DGKB: variants seen among roughly 807,000 people sequenced by gnomAD.
The protein encoded by DGKB is diacylglycerol kinase beta.
A neutral mutation model predicts 114.3 loss-of-function variants in DGKB; 67 were observed. That is an observed-to-expected ratio of 0.59 (90% CI 0.48 to 0.72). The LOEUF is 0.72. Ranked by LOEUF, DGKB falls within the 30% of genes least tolerant of loss-of-function variation. The pLI is 0.00. For synonymous variants in DGKB, 398 were observed against 323.1 expected (o/e 1.23, Z -2.49); for missense variants, 907 against 975.2 (o/e 0.93, Z 0.93).
intron 1 of DGKB, among the ~76,000 whole-genome samples, chr7:14,969,237 C>T (rs897897012): frequency 6.6e-5 from 10 of 152,112 alleles, no homozygotes; most frequent in African/African-American, 2.4e-5. Flanking sequence ...AATACTGATG[C>T]TAATCCCTGT....
chr7:14,365,760 ATTTTCATTTG>A (rs938942302), intron 21 of DGKB, among the ~76,000 whole-genome samples: 6 of 151,972 alleles, frequency 3.9e-5, no homozygotes, highest in Non-Finnish European at 8.8e-5. Flanking sequence ...TAAGCCTTTT[ATTTTCATTTG>A]TTTTCTGTAA....
upstream of DGKB, among the ~76,000 whole-genome samples, chr7:14,904,507 T>C (rs1040587314): frequency 6.6e-6 from 1 of 152,128 alleles, no homozygotes; most frequent in African/African-American, 2.4e-5. Context: ...AAGGATTAAA[T>C]AATACATCTT....
At chr7:14,419,110 C>A (rs1257844532) in intron 21 of DGKB, among the ~76,000 whole-genome samples, 2 of 151,548 alleles carry the variant, frequency 1.3e-5, no homozygotes, top group Non-Finnish European at 2.9e-5. Flanking sequence ...GAATGTTTGT[C>A]CTATTAAAAA....
At position 14,643,953 on chromosome 7, in the gene DGKB, A is replaced by G. The variant is rs114947793; in HGVS notation, c.1135-13685T>C. Reference sequence around the variant, plus strand: ...ATTTAGGAGCCAGAGGAGTGGACCAACCAGGGTCTACTGCCACCAACACCC... The same window carrying G: ...ATTTAGGAGCCAGAGGAGTGGACCAGCCAGGGTCTACTGCCACCAACACCC... On this transcript the variant is annotated intron_variant, in intron 13 of 25. Coordinates refer to ENST00000402815, the MANE Select transcript of DGKB (RefSeq NM_001350709.2). 3.6e-3 allele frequency among the ~76,000 whole-genome samples: 554 copies of G among 152,252 alleles called. 4 individuals carry two copies. The highest frequency in any genetic ancestry group is 0.013 in the African/African-American group (529 of 41,534).
intron 2 of DGKB, among the ~76,000 whole-genome samples, chr7:14,799,925 CT>C (rs531530188): frequency 5.3e-4 from 77 of 146,500 alleles, no homozygotes; most frequent in African/African-American, 9.7e-4. Context: ...CTTTTCTTTT[CT>C]TTTTTTTTTT....
intron 1 of DGKB, among the ~76,000 whole-genome samples, chr7:14,935,680 T>C (rs774702626): frequency 2.0e-5 from 3 of 152,072 alleles, no homozygotes; most frequent in Non-Finnish European, 2.9e-5. Flanking sequence ...ACGAATTACA[T>C]TGTGGATACC....
chr7:14,717,014 G>C (rs936695325), intron 6 of DGKB, among the ~76,000 whole-genome samples: 1 of 151,338 alleles, frequency 6.6e-6, no homozygotes, highest in Non-Finnish European at 1.5e-5. Context: ...AAAAAACAGA[G>C]AGAAGGGGGT....
chr7:14,807,362 GAATA>G (rs1252453424), intron 2 of DGKB, among the ~76,000 whole-genome samples: 3 of 151,742 alleles, frequency 2.0e-5, no homozygotes, highest in Non-Finnish European at 4.4e-5. Flanking sequence ...AATAAAGAAT[GAATA>G]AATACACAAA....
At chr7:14,567,003 T>G (rs1412997734) in intron 20 of DGKB, among the ~76,000 whole-genome samples, 1 of 145,122 alleles carries the variant, frequency 6.9e-6, no homozygotes, top group East Asian at 2.0e-4. Flanking sequence ...TGCATTGGTT[T>G]TTTGCTTTTT....
At position 14,146,623 on chromosome 7, in the gene DGKB, A is replaced by AAGTT. The variant is rs1781505879; in HGVS notation, c.*2504_*2507dup. 1 of 152,110 alleles carries AAGTT rather than the reference A, an allele frequency of 6.6e-6. No homozygotes were observed. The highest frequency in any genetic ancestry group is 1.5e-5 in the Non-Finnish European group (1 of 68,002). 9.4% of individuals were successfully genotyped at this position (152,110 alleles called of 1,614,324 possible). On this transcript the variant is annotated 3_prime_UTR_variant, in exon 26 of 26. Transcript: ENST00000402815. ...TATCTTCTCTGATTTCAAACCCATC[A>AAGTT]AGTTACGTTTTTAAAAACTACTTTC... is the stretch of plus-strand genomic sequence containing the variant.
chr7:14,292,684 GT>G lies in DGKB; in HGVS notation c.2122+45830del, dbSNP rs968218279. Reference sequence around the variant, plus strand: ...GGGTGGTCTTACTTATGGATGAATTGTGCTGCTACCCCAAGAAAACCATTTA... The same window carrying G: ...GGGTGGTCTTACTTATGGATGAATTGGCTGCTACCCCAAGAAAACCATTTA... On this transcript the variant is annotated intron_variant, in intron 23 of 25. Coordinates refer to ENST00000402815, the MANE Select transcript of DGKB (RefSeq NM_001350709.2). Among the ~76,000 whole-genome samples, 4 of 152,230 alleles carry G rather than the reference GT, an allele frequency of 2.6e-5. No individual in the cohort carries two copies. The East Asian group carries it at 5.8e-4, about 22-fold the overall frequency.
At chr7:14,299,313 G>A (rs1803102677) in intron 23 of DGKB, among the ~76,000 whole-genome samples, 1 of 152,080 alleles carries the variant, frequency 6.6e-6, no homozygotes, top group African/African-American at 2.4e-5. Flanking sequence ...ACATAAAAAT[G>A]CCTAGATAGA....
intron 2 of DGKB, among the ~76,000 whole-genome samples, chr7:14,777,165 AC>A (rs958743317): frequency 3.7e-4 from 56 of 151,866 alleles, no homozygotes; most frequent in Middle Eastern, 6.8e-3. Flanking sequence ...CAATGCCTGT[AC>A]CCCCGTTGTA....
At chr7:14,584,684 G>A (rs907656412) in intron 17 of DGKB, among the ~76,000 whole-genome samples, 1 of 151,274 alleles carries the variant, frequency 6.6e-6, no homozygotes, top group African/African-American at 2.4e-5. Flanking sequence ...TTGAGATGGA[G>A]TTTCACTTTT....
intron 23 of DGKB, among the ~76,000 whole-genome samples, chr7:14,295,939 G>A (rs1026885690): frequency 6.6e-6 from 1 of 151,782 alleles, no homozygotes; most frequent in African/African-American, 2.4e-5. Flanking sequence ...TCCTACTTAT[G>A]AGTGAGAACA....
At chr7:14,685,423 T>C in intron 9 of DGKB, 61 bp from the exon 10 acceptor site, 1 of 1,259,514 alleles carries the variant, frequency 7.9e-7, no homozygotes, top group Non-Finnish European at 1.2e-6. Context: ...AAGATGTAAG[T>C]GCCAATGAAA....
chr7:14,863,023 A>G (rs1297793593), intron 1 of DGKB, among the ~76,000 whole-genome samples: 1 of 152,070 alleles, frequency 6.6e-6, no homozygotes, highest in African/African-American at 2.4e-5. Flanking sequence ...ACATTTGTAT[A>G]AAAAGTCAGG....
chr7:14,714,122 C>A (rs1827813377), intron 6 of DGKB, among the ~76,000 whole-genome samples: 1 of 150,644 alleles, frequency 6.6e-6, no homozygotes, highest in African/African-American at 2.4e-5. Flanking sequence ...GATGTAGGTG[C>A]AAGGGTACAA....
At chr7:14,672,158 T>C (rs1819071924) in intron 13 of DGKB, among the ~76,000 whole-genome samples, 2 of 152,092 alleles carry the variant, frequency 1.3e-5, no homozygotes, top group Non-Finnish European at 2.9e-5. Context: ...AAAGTATTTT[T>C]CTATCATTTC....
Sources: allele counts gnomAD v4.1 joint callset (sites outside exome capture counted in the v4.1 genomes callset), GRCh38; gene constraint gnomAD v4.1.1; transcripts MANE v1.5; gene names NCBI Gene and HGNC (gene_info 2026-07-23, HGNC 2026-07-21).